The following RUNX3 variants were observed in gnomAD, a reference collection of about 807,000 sequenced individuals.
RUNX3 encodes the protein RUNX family transcription factor 3.
A neutral mutation model predicts 27.7 loss-of-function variants in RUNX3; 10 were observed. The ratio of observed to expected loss-of-function variants is 0.36; its 90% CI spans 0.22 to 0.61. The LOEUF (loss-of-function observed/expected upper bound fraction) is 0.61. Ranked by LOEUF, RUNX3 falls within the 20% of genes least tolerant of loss-of-function variation. The pLI is 0.72. For synonymous variants in RUNX3, 270 were observed against 269.2 expected (o/e 1.00, Z -0.03); for missense variants, 469 against 629.5 (o/e 0.75, Z 2.73).
At chr1:24,908,686 A>G (rs1640739022) in intron 3 of RUNX3, among the ~76,000 whole-genome samples, 1 of 152,140 alleles carries the variant, frequency 6.6e-6, no homozygotes, top group African/African-American at 2.4e-5. Context: ...AACTGAGGCA[A>G]CAGACATGAG....
chr1:24,929,441 C>A (rs1641168159), intron 1 of RUNX3, 146 bp downstream of exon 1: 1 of 825,654 alleles, frequency 1.2e-6, no homozygotes, highest in South Asian at 1.4e-5. Flanking sequence ...GAGCCGAGCG[C>A]GCAGCCAGAC....
In RUNX3 at chr1:24,902,695, C is replaced by T; in HGVS notation, c.704-29G>A. On this transcript the variant is annotated intron_variant, in intron 4 of 4. Coordinates refer to ENST00000308873, the MANE Select transcript of RUNX3 (RefSeq NM_004350.3). This position sits in a 1 kb window ranked among gnomAD's most constrained non-coding sequence, Gnocchi z 9.2. Reference sequence around the variant, plus strand: ...GAGGACAGCAGGGAAGAGGTCAGTTCCAGCTCGAGACAACCCCAGGAGGGC... The same window carrying T: ...GAGGACAGCAGGGAAGAGGTCAGTTTCAGCTCGAGACAACCCCAGGAGGGC... 1 of 1,498,952 alleles carries T rather than the reference C, an allele frequency of 6.7e-7. No homozygotes were observed. The highest frequency in any genetic ancestry group is 1.4e-5 in the African/African-American group (1 of 71,484). The allele number at this position is 1,498,952 out of a possible 1,614,324, so 92.9% of individuals were successfully genotyped here. A position where few individuals can be genotyped will look rare whatever the true frequency, so the allele number is the denominator to read the frequency against.
At chr1:24,950,030 T>A (rs12744797) in intron 2 of RUNX3, among the ~76,000 whole-genome samples, 4,178 of 152,308 alleles carry the variant, frequency 0.027, 75 homozygotes, top group Non-Finnish European at 0.044. Flanking sequence ...ACAGGGCAGC[T>A]CATCTGAGCT....
rs1640528019 is a variant in RUNX3 at position 24,900,962 on chromosome 1, T to G, written c.*1160A>C. On this transcript the variant is annotated 3_prime_UTR_variant, in exon 5 of 5. Transcript: ENST00000308873. ...AACTATACCTGTAAGAGACCTTGTG[T>G]TTGAAAACGTTAGATTAAGCTTCTT... The G allele has an allele frequency of 6.6e-6, 1 of 152,220 alleles. No individual in the cohort carries two copies. The highest frequency in any genetic ancestry group is 1.5e-5 in the Non-Finnish European group (1 of 68,014). The allele number at this position is 152,220 out of a possible 1,614,324, so 9.4% of individuals were successfully genotyped here.
Position 24,929,919 on chromosome 1 carries a change from G to T in RUNX3, c.-51C>A. ...AGGCGGAGACGGCGCGGCTTCCCCC[G>T]GGGGCGGCCGGCGCGGGCGCCTCCT... On this transcript the variant is annotated 5_prime_UTR_variant, in exon 1 of 5. Transcript: ENST00000308873. The T allele has an allele frequency of 8.1e-7, 1 of 1,228,954 alleles. No homozygotes were observed. The highest frequency in any genetic ancestry group is 3.8e-5 in the South Asian group (1 of 26,470). 76.1% of individuals were successfully genotyped at this position (1,228,954 alleles called of 1,614,324 possible). A position where few individuals can be genotyped will look rare whatever the true frequency, so the allele number is the denominator to read the frequency against.
At position 24,929,587 on chromosome 1, in the gene RUNX3, C is replaced by T; in HGVS notation, c.282G>A (p.Lys94=). ...RCNKTLPVAF[K]VVALGDVPDG... The stretch of plus-strand genomic sequence containing the variant: ...CTCCCGCCCCGGGTCCCGCACTCAC[C>T]TTGAAGGCGACGGGCAGCGTCTTGT... The change falls in exon 1 of 5, where the codon AAG becomes AAA. Residue 94 remains lysine (K), a splice_region_variant and synonymous_variant. Transcript: ENST00000308873. 1 of 1,605,356 alleles carries T rather than the reference C, an allele frequency of 6.2e-7. No homozygotes were observed. The highest frequency in any genetic ancestry group is 8.5e-7 in the Non-Finnish European group (1 of 1,178,364).
chr1:24,915,311 C>T (rs1640868032), intron 3 of RUNX3, among the ~76,000 whole-genome samples: 1 of 152,180 alleles, frequency 6.6e-6, no homozygotes, highest in African/African-American at 2.4e-5. Context: ...GTAATCCCAG[C>T]TCCTAGGGAG....
chr1:24,959,388 G>C (rs1642040544), intron 2 of RUNX3, among the ~76,000 whole-genome samples: 1 of 152,310 alleles, frequency 6.6e-6, no homozygotes, highest in Non-Finnish European at 1.5e-5. Context: ...TGGGGAGACG[G>C]GTGTGTGCAG....
In RUNX3 at chr1:24,901,181, G is replaced by C. The variant is rs1405950776; in HGVS notation, c.*941C>G. On this transcript the variant is annotated 3_prime_UTR_variant, in exon 5 of 5. Coordinates refer to ENST00000308873, the MANE Select transcript of RUNX3 (RefSeq NM_004350.3). ...GCACAGCTTGGCTGGACCCAGGGGG[G>C]ACAGGGACATTGATGTCTGACCCAA... 1 of 151,346 alleles carries C rather than the reference G, an allele frequency of 6.6e-6. No homozygotes were observed. The highest frequency in any genetic ancestry group is 2.4e-5 in the African/African-American group (1 of 41,094). 9.4% of individuals were successfully genotyped at this position (151,346 alleles called of 1,614,324 possible). A position where few individuals can be genotyped will look rare whatever the true frequency, so the allele number is the denominator to read the frequency against.
intron 4 of RUNX3, among the ~76,000 whole-genome samples, chr1:24,907,012 C>T (rs1270345558): frequency 6.6e-6 from 1 of 152,074 alleles, no homozygotes; most frequent in African/African-American, 2.4e-5. Context: ...GTATGCAGAT[C>T]CCTGGGGCCA....
chr1:24,958,296 A>T (rs1642001178), intron 2 of RUNX3, among the ~76,000 whole-genome samples: 1 of 152,254 alleles, frequency 6.6e-6, no homozygotes, highest in Admixed American at 6.5e-5. Context: ...GCTACCATGC[A>T]GTTTAAGCCT....
chr1:24,953,363 G>GAAAAAAAAAAA (rs71577738), intron 2 of RUNX3, among the ~76,000 whole-genome samples: 12 of 60,330 alleles, frequency 2.0e-4, no homozygotes, highest in East Asian at 8.6e-4. Context: ...GACTCCGTCT[G>GAAAAAAAAAAA]AAAAAAAAAA....
chr1:24,963,168 T>C (rs995520698), intron 2 of RUNX3: 5 of 152,628 alleles, frequency 3.3e-5, no homozygotes, highest in African/African-American at 1.2e-4. Flanking sequence ...AGTCCCCATC[T>C]GCAGCAGCAC....
chr1:24,927,390 C>T lies in RUNX3; in HGVS notation c.439+184G>A, dbSNP rs942597157. ...AAAATTGTCTTTTTCTGGCAAGAGA[C>T]CATAACTTTCCTCACCTCCTCAAAG... is the stretch of plus-strand genomic sequence containing the variant. On this transcript the variant is annotated intron_variant, in intron 2 of 4. Coordinates refer to ENST00000308873, the MANE Select transcript of RUNX3 (RefSeq NM_004350.3). The surrounding 1 kb of genome is among the most constrained non-coding windows in gnomAD (Gnocchi z 5.0). 6.6e-6 allele frequency among the ~76,000 whole-genome samples: 1 copy of T among 152,176 alleles called. No homozygotes were observed. The highest frequency in any genetic ancestry group is 6.5e-5 in the Admixed American group (1 of 15,282).
intron 3 of RUNX3, among the ~76,000 whole-genome samples, chr1:24,908,132 A>G (rs1640713777): frequency 6.9e-6 from 1 of 144,026 alleles, no homozygotes. Context: ...CCAAACCTCT[A>G]TGACACGCGG....
At position 24,929,567 on chromosome 1, in the gene RUNX3, G is replaced by C. The variant is rs1353006797; in HGVS notation, c.282+20C>G. 6.3e-7 allele frequency: 1 copy of C among 1,592,250 alleles called. No homozygotes were observed. The highest frequency in any genetic ancestry group is 1.7e-5 in the Admixed American group (1 of 58,396). The stretch of plus-strand genomic sequence containing the variant: ...GGAGCCCCAGGGCCGGCGCCCTCCC[G>C]CCCCGGGTCCCGCACTCACCTTGAA... On this transcript the variant is annotated intron_variant, in intron 1 of 4. Transcript: ENST00000308873.
chr1:24,939,626 G>T (rs141350646), intron 2 of RUNX3, among the ~76,000 whole-genome samples: 2 of 152,204 alleles, frequency 1.3e-5, no homozygotes, highest in Admixed American at 1.3e-4. Flanking sequence ...GGGAGGAGTC[G>T]AACCCTGGCT....
rs1487446167 is a variant in RUNX3, at chr1:24,927,712, C to A, written c.301G>T (p.Val101Leu). The A allele has an allele frequency of 6.2e-7, 1 of 1,613,982 alleles. No individual in the cohort carries two copies. Among genetic ancestry groups the A allele is most frequent in the Non-Finnish European group, 8.5e-7 (1 of 1,179,986 alleles). The stretch of plus-strand genomic sequence containing the variant: ...ACAGTCACCACCGTACCATCCGGCA[C>A]GTCCCCCAATGCCACCACCTGAAGA... ...VAFKVVALGD[V>L]PDGTVVTVMA... Residue 101 changes from valine (V) to leucine (L), a missense_variant, in exon 2 of 5, where the codon GTG becomes TTG. Transcript: ENST00000308873. The surrounding 1 kb of genome is among the most constrained non-coding windows in gnomAD (Gnocchi z 5.0).
At chr1:24,938,182 TCCTTGCTGGGTAA>T (rs1641392404) in intron 2 of RUNX3, among the ~76,000 whole-genome samples, 1 of 152,218 alleles carries the variant, frequency 6.6e-6, no homozygotes, top group Non-Finnish European at 1.5e-5. Context: ...ATTTCCTTGT[TCCTTGCTGGGTAA>T]CCTTGAGCAA....
Sources: allele counts gnomAD v4.1 joint callset (sites outside exome capture counted in the v4.1 genomes callset), GRCh38; gene constraint gnomAD v4.1.1; non-coding constraint Gnocchi (gnomAD v3.1); transcripts MANE v1.5; gene names NCBI Gene and HGNC (gene_info 2026-07-23, HGNC 2026-07-21).